The following ALDH1A2 variants were observed in gnomAD, a reference collection of about 807,000 sequenced individuals.
The protein encoded by ALDH1A2 is retinal dehydrogenase 2.
In ALDH1A2, 27 loss-of-function variants were observed where a neutral mutation model predicts 60.3. The observed-to-expected ratio is 0.45, with a 90% CI of 0.33 to 0.62. The LOEUF (loss-of-function observed/expected upper bound fraction) is 0.62. Among genes scored for constraint, ALDH1A2 ranks in the 20% least tolerant of loss-of-function variants. The pLI is 0.02. For synonymous variants in ALDH1A2, 289 were observed against 232.4 expected (o/e 1.24, Z -2.21); for missense variants, 581 against 643.8 (o/e 0.90, Z 1.06).
intron 7 of ALDH1A2, among the ~76,000 whole-genome samples, chr15:57,987,106 G>A (rs1595641807): frequency 5.9e-5 from 9 of 151,924 alleles, no homozygotes; most frequent in Admixed American, 5.9e-4. Flanking sequence ...AAGAATATAC[G>A]AACGTCAAAG....
chr15:58,036,064 G>C (rs560985302), intron 1 of ALDH1A2, among the ~76,000 whole-genome samples: 2 of 151,556 alleles, frequency 1.3e-5, no homozygotes, highest in African/African-American at 2.4e-5. Context: ...CTATTTAATA[G>C]TGTAATAACA....
At chr15:58,024,833 A>G (rs1566952656) in intron 1 of ALDH1A2, among the ~76,000 whole-genome samples, 1 of 152,236 alleles carries the variant, frequency 6.6e-6, no homozygotes, top group African/African-American at 2.4e-5. Flanking sequence ...AATCATATCA[A>G]GTATCTCCTC....
chr15:57,955,084 A>G lies in ALDH1A2; in HGVS notation c.*113T>C, dbSNP rs2140440586. 8.5e-7 allele frequency: 1 copy of G among 1,178,364 alleles called. No individual in the cohort carries two copies. Among genetic ancestry groups the G allele is most frequent in the African/African-American group, 1.5e-5 (1 of 66,408 alleles). The allele number at this position is 1,178,364 out of a possible 1,614,324, so 73.0% of individuals were successfully genotyped here. A position where few individuals can be genotyped will look rare whatever the true frequency, so the allele number is the denominator to read the frequency against. On this transcript the variant is annotated 3_prime_UTR_variant, in exon 13 of 13. Coordinates refer to ENST00000249750, the MANE Select transcript of ALDH1A2 (RefSeq NM_003888.4). ...TGCCTGGCCTACATGTTATCTTTTCAATCTTTAAGTAAGGACCGTGGCTCA... is the reference window on the plus strand; with the variant it reads ...TGCCTGGCCTACATGTTATCTTTTCGATCTTTAAGTAAGGACCGTGGCTCA...
chr15:57,985,841 G>A (rs1894681728), intron 7 of ALDH1A2, among the ~76,000 whole-genome samples: 1 of 152,098 alleles, frequency 6.6e-6, no homozygotes, highest in Non-Finnish European at 1.5e-5. Context: ...AGACTAAACT[G>A]ATAAGCAAAT....
intron 12 of ALDH1A2, 105 bp downstream of exon 12, chr15:57,960,665 G>C (rs988985015): frequency 8.4e-6 from 8 of 952,536 alleles, no homozygotes; most frequent in Non-Finnish European, 1.3e-5. Context: ...AATGTTTGTT[G>C]AATGTATGGA....
At chr15:58,055,504 C>T (rs1375159586) in intron 1 of ALDH1A2, among the ~76,000 whole-genome samples, 2 of 151,676 alleles carry the variant, frequency 1.3e-5, no homozygotes, top group East Asian at 1.9e-4. Context: ...TAATACCATG[C>T]AAAAATTGTA....
At chr15:57,976,479 A>G (rs1185140330) in intron 7 of ALDH1A2, among the ~76,000 whole-genome samples, 2 of 152,012 alleles carry the variant, frequency 1.3e-5, no homozygotes, top group African/African-American at 2.4e-5. Flanking sequence ...ATGCATCCTC[A>G]TTGTTCAACT....
chr15:57,955,746 T>A (rs1374933063), intron 12 of ALDH1A2, among the ~76,000 whole-genome samples: 1 of 115,782 alleles, frequency 8.6e-6, no homozygotes, highest in Non-Finnish European at 2.1e-5. Flanking sequence ...AGTAGTGTGC[T>A]TTCCTCCCCC....
At chr15:58,011,500 A>G (rs1316432626) in intron 3 of ALDH1A2, among the ~76,000 whole-genome samples, 1 of 152,214 alleles carries the variant, frequency 6.6e-6, no homozygotes, top group African/African-American at 2.4e-5. Context: ...CTGAAATGAG[A>G]AGAGTATTTT....
In ALDH1A2 at chr15:57,954,800, G is replaced by A. The variant is rs35837877; in HGVS notation, c.*397C>T. ...GGAAGAGAGGGAGGGGTGGGTGAGC[G>A]AGGAGGGCCTGGAAGGAGGAAAATG... On this transcript the variant is annotated 3_prime_UTR_variant, in exon 13 of 13. Coordinates refer to ENST00000249750, the MANE Select transcript of ALDH1A2 (RefSeq NM_003888.4). 8,849 of 243,812 alleles carry A rather than the reference G, an allele frequency of 0.036. 261 individuals are homozygous for A. Among genetic ancestry groups the A allele is most frequent in the Middle Eastern group, 0.067 (43 of 640 alleles). The allele number at this position is 243,812 out of a possible 1,614,324, so 15.1% of individuals were successfully genotyped here.
intron 1 of ALDH1A2, among the ~76,000 whole-genome samples, chr15:58,054,677 A>G (rs141267605): frequency 7.2e-5 from 11 of 152,270 alleles, no homozygotes; most frequent in African/African-American, 2.2e-4. Flanking sequence ...AATGTAAAAT[A>G]TATTATCCTC....
chr15:58,019,672 C>T (rs1197173071), intron 1 of ALDH1A2, among the ~76,000 whole-genome samples: 1 of 152,064 alleles, frequency 6.6e-6, no homozygotes, highest in Non-Finnish European at 1.5e-5. Flanking sequence ...CCCTTTCTTT[C>T]CATTGTGGTT....
At chr15:57,997,862 A>T (rs1256621700) in intron 4 of ALDH1A2, among the ~76,000 whole-genome samples, 1 of 151,970 alleles carries the variant, frequency 6.6e-6, no homozygotes, top group Non-Finnish European at 1.5e-5. Flanking sequence ...AAAGAGACAG[A>T]ATCTTCTAGT....
At chr15:58,050,774 A>C (rs1896754225) in intron 1 of ALDH1A2, among the ~76,000 whole-genome samples, 1 of 152,192 alleles carries the variant, frequency 6.6e-6, no homozygotes, top group Non-Finnish European at 1.5e-5. Context: ...AATTTTTCTC[A>C]TCACAAAAAA....
At chr15:57,996,166 G>A (rs1312873021) in intron 4 of ALDH1A2, among the ~76,000 whole-genome samples, 1 of 151,906 alleles carries the variant, frequency 6.6e-6, no homozygotes, top group Non-Finnish European at 1.5e-5. Context: ...GTGTGGGTCG[G>A]GAAAAGAGAA....
chr15:58,017,084 T>C (rs1595669419), intron 1 of ALDH1A2, among the ~76,000 whole-genome samples: 1 of 152,302 alleles, frequency 6.6e-6, no homozygotes, highest in East Asian at 1.9e-4. Flanking sequence ...AATCTTGGGC[T>C]ATGAGTCCTT....
intron 7 of ALDH1A2, among the ~76,000 whole-genome samples, chr15:57,967,828 G>A (rs1412075085): frequency 6.6e-6 from 1 of 152,088 alleles, no homozygotes; most frequent in Non-Finnish European, 1.5e-5. Context: ...CCACTTCCAC[G>A]CAAAGGCCTC....
intron 7 of ALDH1A2, among the ~76,000 whole-genome samples, chr15:57,987,344 A>G (rs1331938943): frequency 2.0e-5 from 3 of 152,214 alleles, no homozygotes; most frequent in Non-Finnish European, 4.4e-5. Flanking sequence ...AACCAACAAA[A>G]TACACAAAAG....
intron 1 of ALDH1A2, among the ~76,000 whole-genome samples, chr15:58,060,215 C>G (rs549510542): frequency 1.3e-4 from 20 of 152,312 alleles, no homozygotes; most frequent in Non-Finnish European, 2.6e-4. Context: ...GCCACTGCGC[C>G]TGGCCAGTTG....
Sources: allele counts gnomAD v4.1 joint callset (sites outside exome capture counted in the v4.1 genomes callset), GRCh38; gene constraint gnomAD v4.1.1; transcripts MANE v1.5; gene names NCBI Gene and HGNC (gene_info 2026-07-23, HGNC 2026-07-21).